SLC45A4: variants seen among roughly 807,000 people sequenced by gnomAD.
SLC45A4 encodes polyamine-transporter SLC45A4.
In SLC45A4, 32 loss-of-function variants were observed where a neutral mutation model predicts 63.7. The ratio of observed to expected loss-of-function variants is 0.50; its 90% confidence interval spans 0.38 to 0.67. The LOEUF (loss-of-function observed/expected upper bound fraction) is 0.67. SLC45A4 is among the 30% of genes least tolerant of loss of function. The pLI is 0.00. For missense variants in SLC45A4, 1,027 were observed against 1,157.7 expected (o/e 0.89, Z 1.64); for synonymous variants, 535 against 510.0 (o/e 1.05, Z -0.66).
chr8:141,234,458 T>C (rs914604486), intron 2 of SLC45A4, among the ~76,000 whole-genome samples: 2 of 152,198 alleles, frequency 1.3e-5, no homozygotes, highest in African/African-American at 4.8e-5. Flanking sequence ...TTGAACCCTA[T>C]TTGCTACCCC....
At chr8:141,228,473 T>C (rs1430924069) in intron 2 of SLC45A4, 16 of 1,360,656 alleles carry the variant, frequency 1.2e-5, no homozygotes, top group Non-Finnish European at 1.5e-5. Flanking sequence ...TGTGTCCAGC[T>C]TGTGGGCACC....
At chr8:141,241,101 G>A (rs2154614479) in intron 2 of SLC45A4, among the ~76,000 whole-genome samples, 1 of 152,382 alleles carries the variant, frequency 6.6e-6, no homozygotes, top group East Asian at 1.9e-4. Context: ...CTGGGGCTAA[G>A]AATGTACATA....
chr8:141,254,367 C>T lies in SLC45A4; in HGVS notation c.-138G>A. ...TCGGGCAGGTAACACTTACATTCCT[C>T]TTTGCACAAGTGGCTATCTCACAAC... On this transcript the variant is annotated 5_prime_UTR_variant, in exon 2 of 9. Coordinates refer to ENST00000517878, the MANE Select transcript of SLC45A4 (RefSeq NM_001286646.2). This position sits in a 1 kb window ranked among gnomAD's most constrained non-coding sequence, Gnocchi z 4.5. The T allele has an allele frequency of 9.8e-7, 1 of 1,023,536 alleles. No individual in the cohort carries two copies. The highest frequency in any genetic ancestry group is 1.4e-6 in the Non-Finnish European group (1 of 720,294). 63.4% of individuals were successfully genotyped at this position (1,023,536 alleles called of 1,614,324 possible). A position where few individuals can be genotyped will look rare whatever the true frequency, so the allele number is the denominator to read the frequency against.
Position 141,256,496 on chromosome 8 carries a change from C to G in SLC45A4, c.-400-1867G>C, listed in dbSNP as rs1293526387. The G allele has an allele frequency of 2.2e-6, 1 of 455,880 alleles. No homozygotes were observed. The highest frequency in any genetic ancestry group is 2.0e-5 in the African/African-American group (1 of 50,072). The allele number at this position is 455,880 out of a possible 1,614,324, so 28.2% of individuals were successfully genotyped here. A position where few individuals can be genotyped will look rare whatever the true frequency, so the allele number is the denominator to read the frequency against. On this transcript the variant is annotated intron_variant, in intron 1 of 8. Coordinates refer to ENST00000517878, the MANE Select transcript of SLC45A4 (RefSeq NM_001286646.2). The surrounding 1 kb of genome is among the most constrained non-coding windows in gnomAD (Gnocchi z 4.3). ...CACTCGGCTCCTCTCTCACACAGCC[C>G]TGATGGAGAAGGTGGGTCCCTGGCA...
At chr8:141,216,420 A>T (rs1245470028) in intron 6 of SLC45A4, among the ~76,000 whole-genome samples, 1 of 152,132 alleles carries the variant, frequency 6.6e-6, no homozygotes. Context: ...ACCCTTCCTG[A>T]TGCGGCAGCT....
chr8:141,289,945 C>G (rs1395421966), intron 1 of SLC45A4, among the ~76,000 whole-genome samples: 1 of 152,096 alleles, frequency 6.6e-6, no homozygotes, highest in African/African-American at 2.4e-5. Context: ...CAGTCCCCTA[C>G]AAAGCATGCA....
intron 2 of SLC45A4, among the ~76,000 whole-genome samples, chr8:141,223,618 T>C (rs1001831319): frequency 2.6e-5 from 4 of 152,214 alleles, no homozygotes; most frequent in Non-Finnish European, 5.9e-5. Context: ...GTGCCTCCTG[T>C]AGCAGCGCGC....
intron 1 of SLC45A4, among the ~76,000 whole-genome samples, chr8:141,290,101 T>A (rs745473500): frequency 6.6e-6 from 1 of 152,214 alleles, no homozygotes; most frequent in Admixed American, 6.5e-5. Context: ...ATCATATGTA[T>A]AATTATACAT....
intron 1 of SLC45A4, among the ~76,000 whole-genome samples, chr8:141,255,056 T>C (rs569167192): frequency 1.2e-4 from 18 of 151,838 alleles, no homozygotes; most frequent in Non-Finnish European, 2.2e-4. Context: ...GTGGGGGAGG[T>C]AGGCAAAAGA....
At chr8:141,257,761 T>G (rs1169055784) in intron 1 of SLC45A4, among the ~76,000 whole-genome samples, 1 of 152,190 alleles carries the variant, frequency 6.6e-6, no homozygotes, top group Admixed American at 6.5e-5. Flanking sequence ...TACTGGCATC[T>G]TATAGGCGGA....
At chr8:141,231,782 G>C (rs1263416308) in intron 2 of SLC45A4, among the ~76,000 whole-genome samples, 1 of 152,234 alleles carries the variant, frequency 6.6e-6, no homozygotes, top group Non-Finnish European at 1.5e-5. Context: ...ACCGAGCCAT[G>C]GATCCCACTA....
chr8:141,207,491 CACT>C lies in SLC45A4; in HGVS notation c.*4078_*4080del, dbSNP rs1368882800. ...TATGTGTTTAACACACGCTTACCAC[CACT>C]GCTAACTCAGCAAGCGCGATTACAG... On this transcript the variant is annotated 3_prime_UTR_variant, in exon 9 of 9. Coordinates refer to ENST00000517878, the MANE Select transcript of SLC45A4 (RefSeq NM_001286646.2). The C allele has an allele frequency of 6.6e-6, 1 of 152,258 alleles. No homozygotes were observed. Among genetic ancestry groups the C allele is most frequent in the East Asian group, 1.9e-4 (1 of 5,200 alleles). 9.4% of individuals were successfully genotyped at this position (152,258 alleles called of 1,614,324 possible).
chr8:141,212,149 CG>C, intron 8 of SLC45A4, 47 bp downstream of exon 8: 1 of 643,494 alleles, frequency 1.6e-6, no homozygotes, highest in Non-Finnish European at 2.0e-6. Context: ...CCCGCCCGCC[CG>C]CCCACCCGCC....
chr8:141,219,408 T>C (rs1342422492), intron 4 of SLC45A4, among the ~76,000 whole-genome samples: 1 of 152,088 alleles, frequency 6.6e-6, no homozygotes, highest in Non-Finnish European at 1.5e-5. Flanking sequence ...CCAGCATGCA[T>C]GTCACCCTCT....
intron 2 of SLC45A4, among the ~76,000 whole-genome samples, chr8:141,247,374 T>C (rs1175875492): frequency 6.6e-6 from 1 of 152,230 alleles, no homozygotes; most frequent in East Asian, 1.9e-4. Flanking sequence ...ATACTAAAAA[T>C]TATGAAACAT....
intron 1 of SLC45A4, among the ~76,000 whole-genome samples, chr8:141,296,924 C>A (rs13263831): frequency 6.6e-6 from 1 of 151,406 alleles, no homozygotes; most frequent in South Asian, 2.1e-4. Context: ...ATGTTTGAAC[C>A]AAGAAATGGG....
At position 141,211,417 on chromosome 8, in the gene SLC45A4, G is replaced by A; in HGVS notation, c.*155C>T. On this transcript the variant is annotated 3_prime_UTR_variant, in exon 9 of 9. Coordinates refer to ENST00000517878, the MANE Select transcript of SLC45A4 (RefSeq NM_001286646.2). ...TGGTGCCCAGCCCATCCCTGGGCAG[G>A]GTGTCTGGGAGCCACCCCTGCAAAT... is the stretch of plus-strand genomic sequence containing the variant. 2 of 1,547,228 alleles carry A rather than the reference G, an allele frequency of 1.3e-6. No homozygotes were observed. Among genetic ancestry groups the A allele is most frequent in the Non-Finnish European group, 8.7e-7 (1 of 1,148,702 alleles).
intron 2 of SLC45A4, among the ~76,000 whole-genome samples, chr8:141,245,841 G>C (rs73713396): frequency 0.012 from 1,799 of 152,274 alleles, 33 homozygotes; most frequent in African/African-American, 0.039. Context: ...CTGGGCTAAG[G>C]ATGGTGCAGG....
intron 1 of SLC45A4, among the ~76,000 whole-genome samples, chr8:141,286,539 A>G (rs1228251201): frequency 2.0e-5 from 3 of 152,174 alleles, no homozygotes; most frequent in Non-Finnish European, 4.4e-5. Flanking sequence ...ATACTTCACA[A>G]GAAAAGTACT....
Sources: allele counts gnomAD v4.1 joint callset (sites outside exome capture counted in the v4.1 genomes callset), GRCh38; gene constraint gnomAD v4.1.1; non-coding constraint Gnocchi (gnomAD v3.1); transcripts MANE v1.5; gene names NCBI Gene and HGNC (gene_info 2026-07-23, HGNC 2026-07-21).